KIF6: variants seen among roughly 807,000 people sequenced by gnomAD.
KIF6 encodes the protein kinesin family member 6, also known as kinesin-like protein KIF6.
In KIF6, 106 loss-of-function variants were observed where a neutral mutation model predicts 112.7. The observed-to-expected ratio is 0.94, with a 90% CI of 0.80 to 1.11. The LOEUF (loss-of-function observed/expected upper bound fraction) is 1.11, where lower values mean the gene tolerates loss of function less well. Ranked by LOEUF, KIF6 falls within the 50% of genes least tolerant of loss-of-function variation. KIF6 has a pLI of 0.00. For missense variants in KIF6, 929 were observed against 964.0 expected (o/e 0.96, Z 0.48); for synonymous variants, 339 against 339.9 (o/e 1.00, Z 0.03).
Position 39,533,743 on chromosome 6 carries a change from T to G in KIF6, c.1645+6260A>C, listed in dbSNP as rs569621269. ...AGCACAAAGCTGGAGATCTGAGAAC[T>G]GGCAGACTGCCTCCTCAAGTGGGTC... On this transcript the variant is annotated intron_variant, in intron 13 of 22. Coordinates refer to ENST00000287152, the MANE Select transcript of KIF6 (RefSeq NM_145027.6). Among the ~76,000 whole-genome samples, 16 of 152,326 alleles carry G rather than the reference T, an allele frequency of 1.1e-4. No individual in the cohort carries two copies. The South Asian group carries it at 3.3e-3, about 32-fold the overall frequency.
chr6:39,541,710 TGAA>T (rs1261950555), intron 12 of KIF6, among the ~76,000 whole-genome samples: 1 of 152,168 alleles, frequency 6.6e-6, no homozygotes, highest in African/African-American at 2.4e-5. Context: ...ATACCTAATC[TGAA>T]GAAGGTCAAG....
chr6:39,587,238 C>G (rs1781687539), intron 7 of KIF6, among the ~76,000 whole-genome samples: 1 of 152,150 alleles, frequency 6.6e-6, no homozygotes, highest in Admixed American at 6.5e-5. Context: ...CATTACAAAG[C>G]AGCAGGAATC....
chr6:39,625,895 C>T (rs2150743446), intron 5 of KIF6, among the ~76,000 whole-genome samples: 1 of 152,182 alleles, frequency 6.6e-6, no homozygotes, highest in East Asian at 1.9e-4. Context: ...AGGCAGGAAG[C>T]TGAGGAAATT....
intron 20 of KIF6, among the ~76,000 whole-genome samples, chr6:39,346,085 T>TCTCTCTCTCCCC (rs1212794740): frequency 4.6e-5 from 1 of 21,598 alleles, no homozygotes. Flanking sequence ...TCTCTCTCTC[T>TCTCTCTCTCCCC]CCCCCCCCTC....
At position 39,590,398 on chromosome 6, in the gene KIF6, G is replaced by GAT. The variant is rs1388996461; in HGVS notation, c.847-3996_847-3995dup. ...GAATATGCTTATTAAACTTCTTGAT[G>GAT]ATATATATATATGTGTGTGTATGTG... On this transcript the variant is annotated intron_variant, in intron 7 of 22. Coordinates refer to ENST00000287152, the MANE Select transcript of KIF6 (RefSeq NM_145027.6). 4.8e-3 allele frequency among the ~76,000 whole-genome samples: 680 copies of GAT among 140,824 alleles called. 5 individuals are homozygous for GAT. The highest frequency in any genetic ancestry group is 8.0e-3 in the Non-Finnish European group (527 of 65,476). The allele number at this position is 140,824 out of a possible 152,430, so 92.4% of individuals were successfully genotyped here. A position where few individuals can be genotyped will look rare whatever the true frequency, so the allele number is the denominator to read the frequency against.
intron 13 of KIF6, among the ~76,000 whole-genome samples, chr6:39,482,306 G>A (rs537735309): frequency 6.6e-6 from 1 of 152,146 alleles, no homozygotes; most frequent in Non-Finnish European, 1.5e-5. Flanking sequence ...TTGCAGGGAG[G>A]TCTCATGTAA....
chr6:39,526,033 T>C (rs1371354712), intron 13 of KIF6, among the ~76,000 whole-genome samples: 1 of 152,154 alleles, frequency 6.6e-6, no homozygotes, highest in Non-Finnish European at 1.5e-5. Flanking sequence ...AAGCAACTCT[T>C]TTTCCATTTC....
chr6:39,672,628 A>G (rs1416628748), intron 3 of KIF6, among the ~76,000 whole-genome samples: 2 of 152,162 alleles, frequency 1.3e-5, no homozygotes, highest in African/African-American at 4.8e-5. Context: ...TGAAGGCTGG[A>G]AAGTCCACAA....
intron 3 of KIF6, among the ~76,000 whole-genome samples, chr6:39,694,357 C>CAGAAAAAGAAGAAGTCAA (rs1230703433): frequency 1.3e-5 from 2 of 152,056 alleles, no homozygotes; most frequent in Admixed American, 6.6e-5. Flanking sequence ...GGCGTCCAAA[C>CAGAAAAAGAAGAAGTCAA]AGAAAAAGAA....
intron 12 of KIF6, 130 bp downstream of exon 12, chr6:39,544,425 T>G: frequency 1.1e-6 from 1 of 924,422 alleles, no homozygotes; most frequent in Non-Finnish European, 1.5e-6. Flanking sequence ...ACCTTTGACT[T>G]CTCAATGGAA....
intron 6 of KIF6, among the ~76,000 whole-genome samples, chr6:39,611,683 T>C (rs541403117): frequency 2.0e-5 from 3 of 152,336 alleles, no homozygotes; most frequent in African/African-American, 7.2e-5. Context: ...CTCTTTTTCA[T>C]AAGCATTGGT....
At chr6:39,715,383 G>A (rs1036135411) in intron 2 of KIF6, among the ~76,000 whole-genome samples, 1 of 152,106 alleles carries the variant, frequency 6.6e-6, no homozygotes, top group Non-Finnish European at 1.5e-5. Context: ...GATTGGCAAT[G>A]GCTTAGGGGA....
At chr6:39,565,181 T>G (rs922528912) in intron 10 of KIF6, among the ~76,000 whole-genome samples, 1 of 149,598 alleles carries the variant, frequency 6.7e-6, no homozygotes, top group African/African-American at 2.5e-5. Context: ...TTTTAAACAC[T>G]TGATCTATAC....
At chr6:39,534,670 G>A (rs375096499) in intron 13 of KIF6, among the ~76,000 whole-genome samples, 2 of 151,690 alleles carry the variant, frequency 1.3e-5, no homozygotes, top group East Asian at 1.9e-4. Context: ...TTCCCCAATC[G>A]AGCAAGGCAG....
intron 15 of KIF6, among the ~76,000 whole-genome samples, chr6:39,413,488 T>G (rs150961371): frequency 6.6e-6 from 1 of 152,128 alleles, no homozygotes; most frequent in East Asian, 1.9e-4. Flanking sequence ...TCAGTCAGAG[T>G]GTTTTATTCC....
rs1044013878 is a variant in KIF6, at chr6:39,359,103, A to G, written c.2082+1292T>C. Among the ~76,000 whole-genome samples, 4 of 152,134 alleles carry G rather than the reference A, an allele frequency of 2.6e-5. No homozygotes were observed. The East Asian group carries it at 7.7e-4, about 29-fold the overall frequency. On this transcript the variant is annotated intron_variant, in intron 18 of 22. Transcript: ENST00000287152. ...CTGCCGCGTGGCCACTTGCTATCAC[A>G]CTGGTTATTGCTTGGCTATGTCCTT...
At chr6:39,341,076 C>T (rs1031830913) in intron 22 of KIF6, among the ~76,000 whole-genome samples, 2 of 152,134 alleles carry the variant, frequency 1.3e-5, no homozygotes, top group African/African-American at 4.8e-5. Flanking sequence ...GTGAGCATGT[C>T]TTAAAGCATC....
At chr6:39,686,978 A>G (rs1787907593) in intron 3 of KIF6, among the ~76,000 whole-genome samples, 1 of 152,184 alleles carries the variant, frequency 6.6e-6, no homozygotes, top group Non-Finnish European at 1.5e-5. Context: ...GAAGAAATGA[A>G]GCTACACTTT....
intron 7 of KIF6, among the ~76,000 whole-genome samples, chr6:39,586,738 ACTT>A (rs1264288031): frequency 6.6e-6 from 1 of 152,194 alleles, no homozygotes; most frequent in Non-Finnish European, 1.5e-5. Context: ...ATGCCTGATT[ACTT>A]CAATTACTTT....
Sources: gnomAD v4.1 joint callset for allele counts (sites outside exome capture counted in the v4.1 genomes callset) on GRCh38, gnomAD v4.1.1 for gene constraint, MANE v1.5 for transcripts, NCBI Gene and HGNC (gene_info 2026-07-23, HGNC 2026-07-21) for gene names.